The following ARHGAP33 variants were observed in gnomAD, a reference collection of about 807,000 sequenced individuals.
ARHGAP33 encodes Rho GTPase activating protein 33.
A neutral mutation model predicts 126.2 loss-of-function variants in ARHGAP33; 57 were observed. That is an observed-to-expected ratio of 0.45 (90% CI 0.36 to 0.56). The LOEUF (loss-of-function observed/expected upper bound fraction) is 0.56. Among genes scored for constraint, ARHGAP33 ranks in the 20% least tolerant of loss-of-function variants. The pLI is 0.00. For missense variants in ARHGAP33, 1,500 were observed against 1,748.3 expected (o/e 0.86, Z 2.53); for synonymous variants, 711 against 755.0 (o/e 0.94, Z 0.95).
intron 16 of ARHGAP33, 69 bp downstream of exon 16, chr19:35,784,386 G>T (rs916060330): frequency 2.0e-6 from 3 of 1,471,398 alleles, no homozygotes; most frequent in Non-Finnish European, 2.7e-6. Flanking sequence ...GGGAGGGCAG[G>T]TGGGCTCCCA....
intron 16 of ARHGAP33, chr19:35,784,674 G>A (rs1972004642): frequency 7.7e-7 from 1 of 1,290,734 alleles, no homozygotes; most frequent in Admixed American, 4.1e-5. Context: ...GCCCAGTCAG[G>A]ACTCAGCACG....
intron 16 of ARHGAP33, chr19:35,784,530 C>A: frequency 6.1e-6 from 8 of 1,317,808 alleles, no homozygotes; most frequent in Non-Finnish European, 7.7e-6. Context: ...TTGGCCCGGA[C>A]GCCGCTCTTC....
intron 15 of ARHGAP33, among the ~76,000 whole-genome samples, chr19:35,783,317 T>C (rs1357497593): frequency 6.6e-6 from 1 of 152,138 alleles, no homozygotes; most frequent in Non-Finnish European, 1.5e-5. Context: ...GGGGCACAGA[T>C]ACATAAACAA....
chr19:35,787,898 C>T lies in ARHGAP33; in HGVS notation c.3333C>T (p.Pro1111=). 6.2e-7 allele frequency: 1 copy of T among 1,605,596 alleles called. No individual in the cohort carries two copies. Among genetic ancestry groups the T allele is most frequent in the Non-Finnish European group, 8.5e-7 (1 of 1,175,960 alleles). ...TRSWSPFRSM[P]PDRLNASYGM... is the part of the protein sequence containing the mutation. ...CCTGGAGTCCCTTTCGCTCCATGCC[C>T]CCCGACAGGCTCAATGCCTCCTACG... is the stretch of plus-strand genomic sequence containing the variant. The change falls in exon 21 of 21, where the codon CCC becomes CCT. Residue 1111 remains proline, a synonymous_variant. Transcript: ENST00000007510.
chr19:35,783,850 G>A (rs1414010940), intron 15 of ARHGAP33, among the ~76,000 whole-genome samples: 2 of 151,352 alleles, frequency 1.3e-5, no homozygotes, highest in African/African-American at 4.9e-5. Flanking sequence ...GGAGGCTCTG[G>A]GATGTCCAGG....
At position 35,782,413 on chromosome 19, in the gene ARHGAP33, C is replaced by T. The variant is rs1971844313; in HGVS notation, c.1126C>T (p.Pro376Ser). 6.2e-7 allele frequency: 1 copy of T among 1,612,216 alleles called. No individual in the cohort carries two copies. The highest frequency in any genetic ancestry group is 8.5e-7 in the Non-Finnish European group (1 of 1,178,534). ...DSERIPELSG[P>S]AFLQDIHSVS... ...TGAGAGGATCCCGGAGCTGTCTGGCCCTGCATTCCTGCAGGACATCCACAG... is the reference window on the plus strand; with the variant it reads ...TGAGAGGATCCCGGAGCTGTCTGGCTCTGCATTCCTGCAGGACATCCACAG... Residue 376 changes from proline to serine, a missense_variant, in exon 13 of 21, where the codon CCT becomes TCT. Transcript: ENST00000007510. This position sits in a 1 kb window ranked among gnomAD's most constrained non-coding sequence, Gnocchi z 4.1.
At position 35,782,254 on chromosome 19, in the gene ARHGAP33, C is replaced by A; in HGVS notation, c.1086-119C>A. Reference sequence around the variant, plus strand: ...TGCCTCTGAAGAGCCCAGTGTAGGACCTGGGGAAGAGGGTTCCATCCACCT... The same window carrying A: ...TGCCTCTGAAGAGCCCAGTGTAGGAACTGGGGAAGAGGGTTCCATCCACCT... On this transcript the variant is annotated intron_variant, in intron 12 of 20. Transcript: ENST00000007510. This position sits in a 1 kb window ranked among gnomAD's most constrained non-coding sequence, Gnocchi z 4.1. 1 of 1,164,518 alleles carries A rather than the reference C, an allele frequency of 8.6e-7. No homozygotes were observed. Among genetic ancestry groups the A allele is most frequent in the Non-Finnish European group, 1.2e-6 (1 of 811,494 alleles). The allele number at this position is 1,164,518 out of a possible 1,614,324, so 72.1% of individuals were successfully genotyped here.
rs776915848 is a variant in ARHGAP33, at chr19:35,780,661, G to A, written c.769+13G>A. The A allele has an allele frequency of 6.8e-6, 7 of 1,036,076 alleles. No individual in the cohort carries two copies. Among genetic ancestry groups the A allele is most frequent in the Non-Finnish European group, 8.3e-6 (6 of 723,394 alleles). 64.2% of individuals were successfully genotyped at this position (1,036,076 alleles called of 1,614,324 possible). A position where few individuals can be genotyped will look rare whatever the true frequency, so the allele number is the denominator to read the frequency against. Reference sequence around the variant, plus strand: ...GGCCTGAAGGCGGGTAAGTGCCATGGATGGATGGGAGGTGTGGGGAGGGGT... The same window carrying A: ...GGCCTGAAGGCGGGTAAGTGCCATGAATGGATGGGAGGTGTGGGGAGGGGT... On this transcript the variant is annotated intron_variant, in intron 9 of 20. Coordinates refer to ENST00000007510, the MANE Select transcript of ARHGAP33 (RefSeq NM_001366178.1).
In ARHGAP33 at chr19:35,782,563, GC is replaced by G. The variant is rs1971852064; in HGVS notation, c.1231-31del. ...GACGGAGGGGGCCGGGACGCCTCTGGCCCAGACCTCATCACACCTGCCCACC... is the reference window on the plus strand; with the variant it reads ...GACGGAGGGGGCCGGGACGCCTCTGGCCAGACCTCATCACACCTGCCCACC... On this transcript the variant is annotated intron_variant, in intron 13 of 20. Transcript: ENST00000007510. The surrounding 1 kb of genome is among the most constrained non-coding windows in gnomAD (Gnocchi z 4.1). 6.2e-7 allele frequency: 1 copy of G among 1,613,560 alleles called. No individual in the cohort carries two copies. The highest frequency in any genetic ancestry group is 1.3e-5 in the African/African-American group (1 of 74,924).
rs375179645 is a variant in ARHGAP33, at chr19:35,783,373, A to G, written c.1421+504A>G. 7.3e-4 allele frequency among the ~76,000 whole-genome samples: 111 copies of G among 152,326 alleles called. 2 individuals carry two copies. In the South Asian group the frequency reaches 0.021, roughly 28 times the overall value. On this transcript the variant is annotated intron_variant, in intron 15 of 20. Coordinates refer to ENST00000007510, the MANE Select transcript of ARHGAP33 (RefSeq NM_001366178.1). ...GAGGACGGGCGTAAGATGTACGGAG[A>G]AAAATAAACGAGAAAGGCCAGGGGT... is the stretch of plus-strand genomic sequence containing the variant.
rs1240981105 is a variant in ARHGAP33, at chr19:35,780,328, T to G, written c.619T>G (p.Phe207Val). ...YTAQAPDELS[F>V]EVGDIVSVID... ...AGCCCAGGCGCCAGATGAGCTGTCC[T>G]TTGAGGTGAGGCTGTGGGGAAGCAG... is the stretch of plus-strand genomic sequence containing the variant. The change falls in exon 7 of 21, where the codon TTT (phenylalanine) becomes GTT (valine). Residue 207 changes from phenylalanine to valine, a missense_variant. By Grantham distance (50) the Phe-to-Val change is conservative (BLOSUM62 -1). Transcript: ENST00000007510. 1.9e-6 allele frequency: 3 copies of G among 1,613,650 alleles called. No individual in the cohort carries two copies. The highest frequency in any genetic ancestry group is 1.7e-6 in the Non-Finnish European group (2 of 1,179,988).
Position 35,782,351 on chromosome 19 carries a change from C to A in ARHGAP33, c.1086-22C>A. 6.3e-7 allele frequency: 1 copy of A among 1,591,416 alleles called. No individual in the cohort carries two copies. The highest frequency in any genetic ancestry group is 8.6e-7 in the Non-Finnish European group (1 of 1,162,406). On this transcript the variant is annotated intron_variant, in intron 12 of 20. Coordinates refer to ENST00000007510, the MANE Select transcript of ARHGAP33 (RefSeq NM_001366178.1). This position sits in a 1 kb window ranked among gnomAD's most constrained non-coding sequence, Gnocchi z 4.1. ...AGCCCCTCTGACCTGGATCTTCCTCCTCCTTGACACGGTGGTCTCAGGCAC... is the reference window on the plus strand; with the variant it reads ...AGCCCCTCTGACCTGGATCTTCCTCATCCTTGACACGGTGGTCTCAGGCAC...
At position 35,787,386 on chromosome 19, in the gene ARHGAP33, G is replaced by A. The variant is rs368200415; in HGVS notation, c.2821G>A (p.Gly941Arg). Reference sequence around the variant, plus strand: ...CCGCTCGCTGTCTCTGGAGGTGGGCGGGGAGCCCCTGGGGACCTCAGGGAG... The same window carrying A: ...CCGCTCGCTGTCTCTGGAGGTGGGCAGGGAGCCCCTGGGGACCTCAGGGAG... ...FHRSLSLEVG[G>R]EPLGTSGSGP... Residue 941 changes from glycine (G) to arginine (R), a missense_variant, in exon 21 of 21, where the codon GGG becomes AGG. Physicochemically the swap from Gly to Arg is moderately radical, Grantham distance 125 (BLOSUM62 -2). This residue lies in a region of ARHGAP33 where 642 missense variants were observed against 634.0 expected (regional missense o/e 1.01). Transcript: ENST00000007510. 5.2e-5 allele frequency: 83 copies of A among 1,609,142 alleles called. No individual in the cohort carries two copies. The highest frequency in any genetic ancestry group is 3.1e-4 in the East Asian group (14 of 44,780).
rs770328821 is a variant in ARHGAP33 at position 35,781,172 on chromosome 19, C to T, written c.1005C>T (p.Cys335=). The T allele has an allele frequency of 1.5e-5, 24 of 1,607,272 alleles. No individual in the cohort carries two copies. The South Asian group carries it at 2.6e-4, about 18-fold the overall frequency. The change falls in exon 12 of 21, where the codon TGC becomes TGT. Residue 335 remains cysteine, a synonymous_variant. Coordinates refer to ENST00000007510, the MANE Select transcript of ARHGAP33 (RefSeq NM_001366178.1). ...CAGTGCCCCAGGTGCTGCGCTGCTGCTCCGAGTTCATTGAGGCCCACGGGG... is the reference window on the plus strand; with the variant it reads ...CAGTGCCCCAGGTGCTGCGCTGCTGTTCCGAGTTCATTGAGGCCCACGGGG... ...GQDVPQVLRC[C]SEFIEAHGVV...
intron 1 of ARHGAP33, among the ~76,000 whole-genome samples, chr19:35,777,363 G>A (rs1971508181): frequency 6.6e-6 from 1 of 152,090 alleles, no homozygotes; most frequent in South Asian, 2.1e-4. Context: ...CAGGGGCTAC[G>A]GAAGGGTTTT....
rs758128795 is a variant in ARHGAP33, at chr19:35,780,917, C to T, written c.830-3C>T. ...CTTTGCCCTTTGCCCCTTGCCCCCA[C>T]AGCTGTGCCACGGCCTCGTGGGAAG... On this transcript the variant is annotated splice_polypyrimidine_tract_variant and splice_region_variant and intron_variant, in intron 10 of 20. Transcript: ENST00000007510. The T allele has an allele frequency of 6.2e-7, 1 of 1,610,006 alleles. No individual in the cohort carries two copies. Among genetic ancestry groups the T allele is most frequent in the Non-Finnish European group, 8.5e-7 (1 of 1,179,980 alleles).
chr19:35,786,788 G>T lies in ARHGAP33; in HGVS notation c.2318G>T (p.Arg773Met). Residue 773 changes from arginine (R) to methionine (M), a missense_variant, in exon 20 of 21, where the codon AGG becomes ATG. Physicochemically the swap from Arg to Met is moderately conservative, Grantham distance 91. This residue lies in a region of ARHGAP33 where 73 missense variants were observed against 110.8 expected (regional missense o/e 0.66). Transcript: ENST00000007510. This position sits in a 1 kb window ranked among gnomAD's most constrained non-coding sequence, Gnocchi z 7.0. ...GCCCCTGCCTCTGCCTTCCCACCCA[G>T]GGTGACCCCCCAGGCCATCTCGCCC... ...PPAPASAFPP[R>M]VTPQAISPRG... The T allele has an allele frequency of 7.1e-7, 1 of 1,401,366 alleles. No homozygotes were observed. The highest frequency in any genetic ancestry group is 9.4e-7 in the Non-Finnish European group (1 of 1,067,566). 86.8% of individuals were successfully genotyped at this position (1,401,366 alleles called of 1,614,324 possible). A position where few individuals can be genotyped will look rare whatever the true frequency, so the allele number is the denominator to read the frequency against.
intron 12 of ARHGAP33, 99 bp downstream of exon 12, chr19:35,781,351 AG>A: frequency 8.3e-7 from 1 of 1,202,694 alleles, no homozygotes. Flanking sequence ...ACCAGGAGTC[AG>A]GAGTGGCAGG....
In ARHGAP33 at chr19:35,787,944, C is replaced by T. The variant is rs377392934; in HGVS notation, c.3379C>T (p.Pro1127Ser). 6.7e-7 allele frequency: 1 copy of T among 1,489,620 alleles called. No individual in the cohort carries two copies. Among genetic ancestry groups the T allele is most frequent in the Admixed American group, 1.9e-5 (1 of 53,734 alleles). 92.3% of individuals were successfully genotyped at this position (1,489,620 alleles called of 1,614,324 possible). The stretch of plus-strand genomic sequence containing the variant: ...CTACGGCATGCTTGGCCAATCACCC[C>T]CACTCCACAGGTCCCCCGACTTCCT... ...ASYGMLGQSP[P>S]LHRSPDFLLS... Residue 1127 changes from proline (P) to serine (S), a missense_variant, in exon 21 of 21, where the codon CCA becomes TCA. Transcript: ENST00000007510.
Sources: allele counts gnomAD v4.1 joint callset (sites outside exome capture counted in the v4.1 genomes callset), GRCh38; gene constraint gnomAD v4.1.1; regional missense constraint gnomAD v4.1.1; non-coding constraint Gnocchi (gnomAD v3.1); transcripts MANE v1.5; gene names NCBI Gene and HGNC (gene_info 2026-07-23, HGNC 2026-07-21).